The following CUX2 variants were observed in gnomAD, a reference collection of about 807,000 sequenced individuals.
CUX2 encodes the protein homeobox protein cut-like 2.
A neutral mutation model predicts 144.8 loss-of-function variants in CUX2; 40 were observed. That is an observed-to-expected ratio of 0.28 (90% CI 0.21 to 0.36). The LOEUF (loss-of-function observed/expected upper bound fraction) is 0.36. Ranked by LOEUF, CUX2 falls within the 10% of genes least tolerant of loss-of-function variation. The pLI, the probability that CUX2 is intolerant of heterozygous loss-of-function variation, is 1.00. For synonymous variants in CUX2, 827 were observed against 875.6 expected (o/e 0.94, Z 0.98); for missense variants, 1,615 against 1,994.0 (o/e 0.81, Z 3.62).
In CUX2 at chr12:111,287,306, C is replaced by G. The variant is rs529943202; in HGVS notation, c.302-4112C>G. On this transcript the variant is annotated intron_variant, in intron 4 of 21. Coordinates refer to ENST00000261726, the MANE Select transcript of CUX2 (RefSeq NM_015267.4). This position sits in a 1 kb window ranked among gnomAD's most constrained non-coding sequence, Gnocchi z 4.2. Reference sequence around the variant, plus strand: ...CTGGGCCACGAGCCGGATCCTCCCCCTCCTTGGAACCGGAGCAAGCCCTCC... The same window carrying G: ...CTGGGCCACGAGCCGGATCCTCCCCGTCCTTGGAACCGGAGCAAGCCCTCC... Among the ~76,000 whole-genome samples the G allele has an allele frequency of 1.8e-3, 267 of 152,390 alleles. 1 individual carries two copies. Among genetic ancestry groups the G allele is most frequent in the Non-Finnish European group, 3.0e-3 (205 of 68,038 alleles).
At chr12:111,169,108 G>A (rs553517824) in intron 1 of CUX2, among the ~76,000 whole-genome samples, 2 of 152,182 alleles carry the variant, frequency 1.3e-5, no homozygotes, top group Admixed American at 6.5e-5. Context: ...GGCCATACTA[G>A]AGTAGGGTGG....
At chr12:111,118,614 C>A (rs1005227170) in intron 1 of CUX2, among the ~76,000 whole-genome samples, 7 of 152,200 alleles carry the variant, frequency 4.6e-5, no homozygotes, top group African/African-American at 1.7e-4. Flanking sequence ...CCACCTGGCC[C>A]TCCCAATGGA....
At chr12:111,264,893 T>C (rs908178030) in intron 4 of CUX2, among the ~76,000 whole-genome samples, 13 of 151,896 alleles carry the variant, frequency 8.6e-5, no homozygotes, top group African/African-American at 3.1e-4. Context: ...AAGCCGTAGA[T>C]AAGAGTCGAT....
chr12:111,236,713 A>AAAATTCCT (rs1882768790), intron 3 of CUX2, among the ~76,000 whole-genome samples: 1 of 152,206 alleles, frequency 6.6e-6, no homozygotes, highest in Admixed American at 6.5e-5. Flanking sequence ...AGGCAATAGG[A>AAAATTCCT]ATTTTATGTT....
intron 1 of CUX2, among the ~76,000 whole-genome samples, chr12:111,175,277 T>C (rs781279379): frequency 1.3e-4 from 20 of 151,858 alleles, no homozygotes; most frequent in Non-Finnish European, 2.4e-4. Flanking sequence ...GTATGTAAAA[T>C]TGACACATTT....
rs1177920027 is a variant in CUX2, at chr12:111,307,168, C to T, written c.1051-31C>T. On this transcript the variant is annotated intron_variant, in intron 11 of 21. Coordinates refer to ENST00000261726, the MANE Select transcript of CUX2 (RefSeq NM_015267.4). This position sits in a 1 kb window ranked among gnomAD's most constrained non-coding sequence, Gnocchi z 4.1. ...GCGGCCCCATGCAGAAGCACACAGA[C>T]CAGCCTCACCATCTTTCTTTGCTCT... 6.2e-7 allele frequency: 1 copy of T among 1,613,840 alleles called. No individual in the cohort carries two copies. Among genetic ancestry groups the T allele is most frequent in the Non-Finnish European group, 8.5e-7 (1 of 1,179,796 alleles).
At chr12:111,299,370 G>T (rs77192676) in intron 9 of CUX2, among the ~76,000 whole-genome samples, 1 of 152,238 alleles carries the variant, frequency 6.6e-6, no homozygotes, top group Non-Finnish European at 1.5e-5. Context: ...CAGGTAGAAG[G>T]CTCAGCAGGA....
At chr12:111,199,721 G>A (rs1346026575) in intron 1 of CUX2, among the ~76,000 whole-genome samples, 3 of 152,060 alleles carry the variant, frequency 2.0e-5, no homozygotes, top group Non-Finnish European at 4.4e-5. Flanking sequence ...CCATGTGAAC[G>A]TGTCTGTCTG....
At chr12:111,109,030 G>T (rs967170958) in intron 1 of CUX2, among the ~76,000 whole-genome samples, 7 of 152,210 alleles carry the variant, frequency 4.6e-5, no homozygotes, top group African/African-American at 1.4e-4. Context: ...CATGGAGATT[G>T]ATTGGTGGGT....
At chr12:111,073,593 G>A (rs993923543) in intron 1 of CUX2, among the ~76,000 whole-genome samples, 2 of 152,068 alleles carry the variant, frequency 1.3e-5, no homozygotes, top group Non-Finnish European at 2.9e-5. Context: ...TCTGTGCGTT[G>A]TAGGATGCTT....
intron 9 of CUX2, among the ~76,000 whole-genome samples, chr12:111,300,202 C>A (rs998992852): frequency 3.3e-5 from 5 of 152,296 alleles, no homozygotes; most frequent in Admixed American, 1.3e-4. Flanking sequence ...CTCACTGCAG[C>A]CTCAACCTCT....
intron 1 of CUX2, among the ~76,000 whole-genome samples, chr12:111,096,594 C>T (rs1331385680): frequency 6.6e-6 from 1 of 152,204 alleles, no homozygotes; most frequent in East Asian, 1.9e-4. Context: ...ATCCCCGCTT[C>T]CCAGCTCAGT....
At chr12:111,259,191 T>C (rs866977463) in intron 3 of CUX2, among the ~76,000 whole-genome samples, 10 of 152,132 alleles carry the variant, frequency 6.6e-5, no homozygotes, top group South Asian at 6.2e-4. Flanking sequence ...TGTGAGCCAC[T>C]GTACCTGGCC....
At position 111,145,895 on chromosome 12, in the gene CUX2, C is replaced by T. The variant is rs566195062; in HGVS notation, c.64-68305C>T. 2.2e-4 allele frequency among the ~76,000 whole-genome samples: 33 copies of T among 151,826 alleles called. 1 individual carries two copies. Among genetic ancestry groups the T allele is most frequent in the South Asian group, 1.7e-3 (8 of 4,796 alleles). On this transcript the variant is annotated intron_variant, in intron 1 of 21. Coordinates refer to ENST00000261726, the MANE Select transcript of CUX2 (RefSeq NM_015267.4). ...TTTTGTTTTGTATTTTTAGTAGACG[C>T]GGGGTTTCACCATATTGGCCAGGCT... is the stretch of plus-strand genomic sequence containing the variant.
At chr12:111,070,189 G>T (rs1871196924) in intron 1 of CUX2, among the ~76,000 whole-genome samples, 1 of 152,196 alleles carries the variant, frequency 6.6e-6, no homozygotes, top group Non-Finnish European at 1.5e-5. Flanking sequence ...GATATCCAGG[G>T]AGTGGGAGAA....
chr12:111,299,309 T>G (rs1565900960), intron 9 of CUX2, among the ~76,000 whole-genome samples: 1 of 152,148 alleles, frequency 6.6e-6, no homozygotes, highest in Admixed American at 6.5e-5. Context: ...TTGGAAGACA[T>G]TTTGAAGCTG....
At chr12:111,198,744 G>A (rs1207621562) in intron 1 of CUX2, among the ~76,000 whole-genome samples, 1 of 152,246 alleles carries the variant, frequency 6.6e-6, no homozygotes, top group Non-Finnish European at 1.5e-5. Context: ...CAGCACTGGG[G>A]GGGATGGGGA....
intron 4 of CUX2, among the ~76,000 whole-genome samples, chr12:111,270,823 G>T (rs761653815): frequency 1.5e-4 from 23 of 152,108 alleles, no homozygotes; most frequent in African/African-American, 5.1e-4. Context: ...CTTCTCTTGG[G>T]GGGGAGGCTG....
At chr12:111,164,230 A>T (rs1877972086) in intron 1 of CUX2, among the ~76,000 whole-genome samples, 1 of 152,124 alleles carries the variant, frequency 6.6e-6, no homozygotes, top group Non-Finnish European at 1.5e-5. Context: ...CCATATTCCC[A>T]GCACCCTTCC....
Sources: gnomAD v4.1 joint callset for allele counts (sites outside exome capture counted in the v4.1 genomes callset) on GRCh38, gnomAD v4.1.1 for gene constraint, Gnocchi (gnomAD v3.1) non-coding constraint, MANE v1.5 for transcripts, NCBI Gene and HGNC (gene_info 2026-07-23, HGNC 2026-07-21) for gene names.